EMSY: variants seen among roughly 807,000 people sequenced by gnomAD.
EMSY encodes the protein BRCA2-interacting transcriptional repressor EMSY.
Under a neutral mutation model 134.6 loss-of-function variants are expected in EMSY, and 26 were observed. The ratio of observed to expected loss-of-function variants is 0.19; its 90% CI spans 0.14 to 0.27. The LOEUF (loss-of-function observed/expected upper bound fraction) is 0.27. Among genes scored for constraint, EMSY ranks in the 10% least tolerant of loss-of-function variants. EMSY has a pLI of 1.00. For missense variants in EMSY, 1,305 were observed against 1,611.4 expected (o/e 0.81, Z 3.26); for synonymous variants, 579 against 577.8 (o/e 1.00, Z -0.03).
At chr11:76,534,872 A>G (rs1275444334) in intron 14 of EMSY, among the ~76,000 whole-genome samples, 2 of 152,158 alleles carry the variant, frequency 1.3e-5, no homozygotes, top group African/African-American at 4.8e-5. Context: ...AATTTCCTCT[A>G]TGGTGTCTTG....
chr11:76,495,832 A>T (rs1017829385), intron 8 of EMSY, among the ~76,000 whole-genome samples: 5 of 152,210 alleles, frequency 3.3e-5, no homozygotes, highest in African/African-American at 1.2e-4. Context: ...ACATATAAAT[A>T]AGATTCAAAA....
chr11:76,491,410 G>T (rs1949419884), intron 8 of EMSY, among the ~76,000 whole-genome samples: 1 of 151,952 alleles, frequency 6.6e-6, no homozygotes, highest in African/African-American at 2.4e-5. Flanking sequence ...TTGAACTCCT[G>T]ACCTCAAGTG....
chr11:76,527,387 T>A (rs1370845799), intron 13 of EMSY, among the ~76,000 whole-genome samples: 3 of 152,184 alleles, frequency 2.0e-5, no homozygotes, highest in Non-Finnish European at 4.4e-5. Flanking sequence ...AGTTTAATTG[T>A]AATAATTTCA....
chr11:76,515,168 A>T (rs1050745366), intron 10 of EMSY, among the ~76,000 whole-genome samples: 14 of 132,240 alleles, frequency 1.1e-4, no homozygotes, highest in South Asian at 7.4e-4. Flanking sequence ...TAATGGTTGT[A>T]TTTTTCAAAG....
intron 6 of EMSY, 115 bp downstream of exon 7, chr11:76,460,200 A>T: frequency 8.1e-7 from 1 of 1,235,054 alleles, no homozygotes; most frequent in Non-Finnish European, 1.1e-6. Flanking sequence ...TTAGTAGGTT[A>T]GTTTTTGAAG....
At chr11:76,495,737 C>T (rs1949626639) in intron 8 of EMSY, among the ~76,000 whole-genome samples, 1 of 151,838 alleles carries the variant, frequency 6.6e-6, no homozygotes. Context: ...TTATCTTGTT[C>T]AAAAGATGAA....
intron 8 of EMSY, among the ~76,000 whole-genome samples, chr11:76,491,026 A>G (rs779508638): frequency 6.6e-6 from 1 of 152,136 alleles, no homozygotes; most frequent in Non-Finnish European, 1.5e-5. Context: ...ATATACTTAT[A>G]TATCAGTTTC....
chr11:76,506,895 T>C (rs922470875), intron 9 of EMSY, among the ~76,000 whole-genome samples: 6 of 152,216 alleles, frequency 3.9e-5, no homozygotes. Flanking sequence ...GCTTATTCAC[T>C]GCATTTTGTT....
At chr11:76,453,285 A>G (rs2134868669) in intron 3 of EMSY, 29 bp from the exon 4 acceptor site, 1 of 1,601,774 alleles carries the variant, frequency 6.2e-7, no homozygotes, top group Non-Finnish European at 8.5e-7. Context: ...TGCTTGGCAG[A>G]GTTCTATAAT....
At chr11:76,528,079 T>C (rs1355028669) in intron 13 of EMSY, among the ~76,000 whole-genome samples, 189 bp from the exon 15 acceptor site, 1 of 152,142 alleles carries the variant, frequency 6.6e-6, no homozygotes, top group African/African-American at 2.4e-5. Flanking sequence ...ACTTAAAACA[T>C]TGTATATGGC....
At chr11:76,533,300 TGTCA>T (rs1325979693) in intron 14 of EMSY, among the ~76,000 whole-genome samples, 4 of 152,120 alleles carry the variant, frequency 2.6e-5, no homozygotes, top group Non-Finnish European at 4.4e-5. Context: ...TAGGAGCTTT[TGTCA>T]GTTATCTTCA....
chr11:76,447,785 G>A (rs941518985), intron 2 of EMSY, among the ~76,000 whole-genome samples: 2 of 152,176 alleles, frequency 1.3e-5, no homozygotes, highest in Non-Finnish European at 2.9e-5. Flanking sequence ...TAGTTCAAAT[G>A]AGGATCTTTG....
chr11:76,532,367 T>C (rs926781205), intron 14 of EMSY, among the ~76,000 whole-genome samples: 3 of 151,214 alleles, frequency 2.0e-5, no homozygotes, highest in African/African-American at 7.3e-5. Context: ...TTTTTTTTTT[T>C]CTGGAGTTCC....
intron 18 of EMSY, among the ~76,000 whole-genome samples, chr11:76,543,514 G>C (rs564933794): frequency 2.6e-3 from 392 of 152,202 alleles, no homozygotes; most frequent in African/African-American, 9.1e-3. Flanking sequence ...ACCTTTCTCC[G>C]GACACCTAGA....
At chr11:76,546,928 G>T (rs533942330) in intron 20 of EMSY, 3 of 291,868 alleles carry the variant, frequency 1.0e-5, no homozygotes, top group East Asian at 1.1e-4. Context: ...TCATGCCTTG[G>T]TAAGTACAGG....
chr11:76,462,170 C>T (rs1334153974), intron 6 of EMSY, among the ~76,000 whole-genome samples: 3 of 151,832 alleles, frequency 2.0e-5, no homozygotes, highest in African/African-American at 4.8e-5. Context: ...ATCTGGGAGA[C>T]GGAGGTTGTG....
At chr11:76,528,804 C>T (rs961843564) in intron 14 of EMSY, among the ~76,000 whole-genome samples, 6 of 151,910 alleles carry the variant, frequency 3.9e-5, no homozygotes, top group Admixed American at 3.9e-4. Context: ...TAGGAGAAAA[C>T]GTATGTAAAG....
intron 1 of EMSY, among the ~76,000 whole-genome samples, 164 bp from the exon 2 acceptor site, chr11:76,446,736 T>G (rs1431656581): frequency 6.6e-6 from 1 of 152,200 alleles, no homozygotes; most frequent in Non-Finnish European, 1.5e-5. Flanking sequence ...ATGACTTAAT[T>G]CTTGATTTCT....
At chr11:76,516,118 C>A in intron 10 of EMSY, 24 bp from the exon 12 acceptor site, 2 of 1,590,944 alleles carry the variant, frequency 1.3e-6, no homozygotes, top group South Asian at 1.1e-5. Flanking sequence ...ACAAGTTTTT[C>A]TTTTGGCTTT....
Sources: allele counts gnomAD v4.1 joint callset (sites outside exome capture counted in the v4.1 genomes callset), GRCh38; gene constraint gnomAD v4.1.1; transcripts MANE v1.5; gene names NCBI Gene and HGNC (gene_info 2026-07-23, HGNC 2026-07-21).